The following DIP2B variants were observed in gnomAD, a reference collection of about 807,000 sequenced individuals.
DIP2B encodes the protein disco-interacting protein 2 homolog B.
DIP2B carries 76 observed loss-of-function variants against 198.0 expected under a neutral mutation model. The ratio of observed to expected loss-of-function variants is 0.38; its 90% CI spans 0.32 to 0.46. The LOEUF (loss-of-function observed/expected upper bound fraction) is 0.46. DIP2B is among the 20% of genes least tolerant of loss of function. The probability of loss-of-function intolerance (pLI) is 0.99; values close to 1 mark genes in which losing one functional copy is unlikely to be tolerated. For missense variants in DIP2B, 1,559 were observed against 1,978.4 expected, an observed-to-expected ratio of 0.79 and a Z score of 4.02; for synonymous variants, 701 against 739.1, an observed-to-expected ratio of 0.95 and a Z score of 0.84.
intron 1 of DIP2B, among the ~76,000 whole-genome samples, chr12:50,566,145 T>C (rs1335159596): frequency 6.6e-6 from 1 of 152,118 alleles, no homozygotes; most frequent in East Asian, 1.9e-4. Flanking sequence ...TGAACTCAAG[T>C]GATCCTTCCA....
At chr12:50,625,270 G>A (rs963225993) in intron 1 of DIP2B, among the ~76,000 whole-genome samples, 2 of 151,814 alleles carry the variant, frequency 1.3e-5, no homozygotes, top group Admixed American at 6.6e-5. Flanking sequence ...ATCTATTTCC[G>A]TTTCCTTAGT....
At chr12:50,596,158 T>G (rs1958876758) in intron 1 of DIP2B, among the ~76,000 whole-genome samples, 1 of 152,214 alleles carries the variant, frequency 6.6e-6, no homozygotes, top group Admixed American at 6.5e-5. Flanking sequence ...GTTCCATGTT[T>G]CCAAATTTAC....
At chr12:50,724,148 T>A (rs1939889497) in intron 27 of DIP2B, among the ~76,000 whole-genome samples, 1 of 152,226 alleles carries the variant, frequency 6.6e-6, no homozygotes, top group East Asian at 1.9e-4. Context: ...ATAGATGATT[T>A]TATTACAAAG....
chr12:50,640,842 A>G lies in DIP2B; in HGVS notation c.291A>G (p.Arg97=), dbSNP rs754101033. The G allele has an allele frequency of 2.5e-6, 4 of 1,613,488 alleles. No individual in the cohort carries two copies. The highest frequency in any genetic ancestry group is 2.7e-5 in the African/African-American group (2 of 74,894). ...RTRSGGARDE[R]YRSDIHTEAV... ...GATCTGGGGGAGCCAGGGATGAACGATATCGATCAGGTGAGGAGAAGCTGC... is the reference window on the plus strand; with the variant it reads ...GATCTGGGGGAGCCAGGGATGAACGGTATCGATCAGGTGAGGAGAAGCTGC... The change falls in exon 3 of 38, where the codon CGA becomes CGG. Residue 97 remains arginine, a synonymous_variant. Transcript: ENST00000301180.
At chr12:50,657,709 A>G (rs2139508802) in intron 3 of DIP2B, among the ~76,000 whole-genome samples, 1 of 152,332 alleles carries the variant, frequency 6.6e-6, no homozygotes, top group Middle Eastern at 3.4e-3. Context: ...TTATAAGGAA[A>G]TATCAAGCAA....
At chr12:50,650,214 A>G (rs1427378367) in intron 3 of DIP2B, among the ~76,000 whole-genome samples, 1 of 152,210 alleles carries the variant, frequency 6.6e-6, no homozygotes, top group African/African-American at 2.4e-5. Context: ...CTGTCTCAAA[A>G]AAAAAAAGTG....
chr12:50,506,167 T>A (rs1348354033), intron 1 of DIP2B, among the ~76,000 whole-genome samples: 1 of 152,198 alleles, frequency 6.6e-6, no homozygotes, highest in Non-Finnish European at 1.5e-5. Context: ...CTGTGTAAAG[T>A]TCCTGTTTTT....
At chr12:50,588,300 T>TGCTA (rs1958788214) in intron 1 of DIP2B, among the ~76,000 whole-genome samples, 2 of 152,014 alleles carry the variant, frequency 1.3e-5, no homozygotes, top group South Asian at 4.2e-4. Flanking sequence ...TACAGGCATG[T>TGCTA]GCTACCAGGC....
chr12:50,507,617 C>T (rs1408882313), intron 1 of DIP2B, among the ~76,000 whole-genome samples: 6 of 152,154 alleles, frequency 3.9e-5, no homozygotes, highest in Admixed American at 6.5e-5. Context: ...CCGCAACCTC[C>T]GCCTCCCAGG....
At chr12:50,591,608 T>TTTTCTTTC in intron 1 of DIP2B, among the ~76,000 whole-genome samples, 1 of 151,590 alleles carries the variant, frequency 6.6e-6, no homozygotes, top group East Asian at 2.0e-4. Context: ...TAATTTTTCT[T>TTTTCTTTC]TTTCTTTCTT....
At chr12:50,567,835 C>A (rs983489952) in intron 1 of DIP2B, among the ~76,000 whole-genome samples, 4 of 152,130 alleles carry the variant, frequency 2.6e-5, no homozygotes, top group Non-Finnish European at 5.9e-5. Flanking sequence ...GCCTAAAATT[C>A]TTTGATAATT....
intron 5 of DIP2B, 141 bp downstream of exon 5, chr12:50,671,539 A>T: frequency 1.3e-6 from 1 of 797,340 alleles, no homozygotes. Flanking sequence ...TTAATGAGGA[A>T]AAGATGGAAA....
chr12:50,713,209 A>G (rs1025983315), intron 22 of DIP2B, among the ~76,000 whole-genome samples: 54 of 152,152 alleles, frequency 3.5e-4, no homozygotes, highest in African/African-American at 1.3e-3. Flanking sequence ...TGGCCTCCCA[A>G]AGTGCTGAGA....
intron 1 of DIP2B, among the ~76,000 whole-genome samples, chr12:50,612,294 G>A (rs1375756302): frequency 5.9e-5 from 9 of 152,118 alleles, no homozygotes; most frequent in Non-Finnish European, 1.5e-5. Flanking sequence ...TAGCCTAGGA[G>A]GAACCTTTAC....
intron 30 of DIP2B, 100 bp from the exon 31 acceptor site, chr12:50,731,269 T>C: frequency 7.1e-7 from 1 of 1,415,728 alleles, no homozygotes; most frequent in Non-Finnish European, 9.7e-7. Flanking sequence ...CCCTACACTG[T>C]CCTTTACACT....
chr12:50,612,756 A>G (rs1959042707), intron 1 of DIP2B, among the ~76,000 whole-genome samples: 2 of 152,216 alleles, frequency 1.3e-5, no homozygotes. Context: ...GAAAAGTTAT[A>G]GAAATTAGGC....
At chr12:50,743,591 A>C (rs1006095359) in intron 37 of DIP2B, 8 of 152,214 alleles carry the variant, frequency 5.3e-5, no homozygotes, top group African/African-American at 1.9e-4. Flanking sequence ...GTAGTGAGTT[A>C]ATTTAATTGA....
At chr12:50,727,859 T>G (rs748441797) in intron 29 of DIP2B, 47 bp downstream of exon 29, 1 of 1,512,594 alleles carries the variant, frequency 6.6e-7, no homozygotes, top group Non-Finnish European at 9.2e-7. Flanking sequence ...AAAATAGAGA[T>G]GACCACTGCC....
intron 2 of DIP2B, among the ~76,000 whole-genome samples, chr12:50,634,225 G>A (rs1036501027): frequency 2.6e-5 from 4 of 152,220 alleles, no homozygotes; most frequent in South Asian, 4.2e-4. Context: ...TTCTTTTGGC[G>A]TGGCCGAAAG....
Sources: allele counts gnomAD v4.1 joint callset (sites outside exome capture counted in the v4.1 genomes callset), GRCh38; gene constraint gnomAD v4.1.1; transcripts MANE v1.5; gene names NCBI Gene and HGNC (gene_info 2026-07-23, HGNC 2026-07-21).